Variants in CYFIP1 observed in about 807,000 individuals in gnomAD.
CYFIP1 encodes the protein cytoplasmic FMR1 interacting protein 1.
A neutral mutation model predicts 163.5 loss-of-function variants in CYFIP1; 58 were observed. The ratio of observed to expected loss-of-function variants is 0.35; its 90% CI spans 0.29 to 0.44. CYFIP1 has a LOEUF of 0.44. Ranked by LOEUF, CYFIP1 falls within the 20% of genes least tolerant of loss-of-function variation. CYFIP1 has a pLI of 1.00. For synonymous variants in CYFIP1, 663 were observed against 660.7 expected (o/e 1.00, Z -0.05); for missense variants, 1,338 against 1,653.8 (o/e 0.81, Z 3.31).
At chr15:22,933,701 G>T in intron 10 of CYFIP1, 101 bp downstream of exon 10, 3 of 802,614 alleles carry the variant, frequency 3.7e-6, no homozygotes, top group Non-Finnish European at 6.2e-6. Flanking sequence ...GGCTGAGAAT[G>T]TTAACAGTGT....
intron 22 of CYFIP1, 48 bp downstream of exon 22, chr15:22,903,658 G>A: frequency 6.3e-7 from 1 of 1,597,280 alleles, no homozygotes; most frequent in South Asian, 1.1e-5. Flanking sequence ...GGGGACATGG[G>A]TCCCTGAGCG....
Position 22,910,582 on chromosome 15 carries a change from C to T in CYFIP1, c.2206G>A (p.Ala736Thr). 6.2e-7 allele frequency: 1 copy of T among 1,614,184 alleles called. No individual in the cohort carries two copies. Among genetic ancestry groups the T allele is most frequent in the African/African-American group, 1.3e-5 (1 of 75,062 alleles). Residue 736 changes from alanine to threonine, a missense_variant, in exon 20 of 31, where the codon GCC becomes ACC. This residue lies in a region of CYFIP1 where 824 missense variants were observed against 995.7 expected (regional missense o/e 0.83). Coordinates refer to ENST00000617928, the MANE Select transcript of CYFIP1 (RefSeq NM_014608.6). The part of the protein sequence containing the change: ...RLRSECKNQG[A>T]TIHLPPSNRY... ...TTAGACGGCGGGAGGTGGATCGTGG[C>T]TCCCTGATTCTTGCATTCTGATCGT...
rs562244626 is a variant in CYFIP1 at position 22,963,281 on chromosome 15, G to A, written c.-6-15990C>T. 1.6e-4 allele frequency among the ~76,000 whole-genome samples: 24 copies of A among 152,060 alleles called. 1 individual carries two copies. The highest frequency in any genetic ancestry group is 1.2e-3 in the East Asian group (6 of 5,168). ...AGCACTTTGGGAGGCAGAGGCGGGC[G>A]ATCACCTGAGGTCAGCCTGACCAAT... On this transcript the variant is annotated intron_variant, in intron 1 of 30. Coordinates refer to ENST00000617928, the MANE Select transcript of CYFIP1 (RefSeq NM_014608.6).
At chr15:22,961,118 T>A (rs1188788484) in intron 1 of CYFIP1, among the ~76,000 whole-genome samples, 1 of 152,088 alleles carries the variant, frequency 6.6e-6, no homozygotes, top group African/African-American at 2.4e-5. Flanking sequence ...GCCTCCTGTC[T>A]TCAAGTGATT....
At chr15:22,903,255 G>A (rs1032533457) in intron 22 of CYFIP1, among the ~76,000 whole-genome samples, 6 of 152,274 alleles carry the variant, frequency 3.9e-5, no homozygotes, top group African/African-American at 7.2e-5. Context: ...CCCGGTGTGC[G>A]GAGCCCAGGG....
At chr15:22,933,491 T>C (rs2142236018) in intron 10 of CYFIP1, among the ~76,000 whole-genome samples, 1 of 152,074 alleles carries the variant, frequency 6.6e-6, no homozygotes, top group Non-Finnish European at 1.5e-5. Context: ...ATTTTTTCTA[T>C]TTTTAGTAGA....
At chr15:22,936,258 A>C (rs1008724138) in intron 9 of CYFIP1, among the ~76,000 whole-genome samples, 1 of 152,132 alleles carries the variant, frequency 6.6e-6, no homozygotes, top group Admixed American at 6.6e-5. Context: ...CAAAACAAAC[A>C]AACAAAAAAA....
intron 3 of CYFIP1, among the ~76,000 whole-genome samples, chr15:22,945,254 A>G (rs61388954): frequency 0.24 from 35,874 of 152,084 alleles, 4,800 homozygotes; most frequent in Middle Eastern, 0.34. Context: ...ACCTGCAGTT[A>G]GGAACACAGA....
intron 1 of CYFIP1, among the ~76,000 whole-genome samples, chr15:22,964,349 TCA>T (rs1206406734): frequency 1.5e-4 from 6 of 39,560 alleles, no homozygotes; most frequent in Non-Finnish European, 2.5e-4. Context: ...CGCAACCTCA[TCA>T]CTCACACACA....
At position 22,928,010 on chromosome 15, in the gene CYFIP1, G is replaced by A. The variant is rs751474445; in HGVS notation, c.1129C>T (p.Arg377Cys). Residue 377 changes from arginine to cysteine, a missense_variant, in exon 12 of 31, where the codon CGC (arginine) becomes TGC (cysteine). Arg to Cys is a radical substitution (Grantham distance 180). Coordinates refer to ENST00000617928, the MANE Select transcript of CYFIP1 (RefSeq NM_014608.6). ...SNSEVVTGSG[R>C]QEAQKTDAEY... ...GCGTCCGTCTTCTGGGCCTCCTGGC[G>A]GCCCGAGCCCGTGACCACCTGCACA... The A allele has an allele frequency of 7.0e-6, 11 of 1,574,022 alleles. No individual in the cohort carries two copies. The highest frequency in any genetic ancestry group is 1.9e-4 in the Middle Eastern group (1 of 5,186).
chr15:22,977,297 G>A (rs576257207), intron 1 of CYFIP1, among the ~76,000 whole-genome samples: 2 of 152,132 alleles, frequency 1.3e-5, no homozygotes, highest in Admixed American at 6.5e-5. Context: ...CTTTTTCATA[G>A]ATTCCCTGGA....
At chr15:22,934,173 C>CTTTTTT (rs2061629199) in intron 9 of CYFIP1, among the ~76,000 whole-genome samples, 1 of 76,306 alleles carries the variant, frequency 1.3e-5, no homozygotes, top group African/African-American at 5.7e-5. Context: ...CACTGCATTT[C>CTTTTTT]TTTCTTTTTT....
At chr15:22,916,408 A>G (rs911655825) in intron 16 of CYFIP1, 69 bp downstream of exon 16, 1 of 1,227,536 alleles carries the variant, frequency 8.1e-7, no homozygotes. Context: ...AGGCGGGCGG[A>G]AGCATTCTAG....
At chr15:22,923,958 A>AC (rs2061275608) in intron 13 of CYFIP1, among the ~76,000 whole-genome samples, 7 of 150,772 alleles carry the variant, frequency 4.6e-5, no homozygotes, top group African/African-American at 1.7e-4. Flanking sequence ...AAAAAAAAAA[A>AC]AAAAAAACAA....
At chr15:22,975,332 T>C (rs2063229319) in intron 1 of CYFIP1, among the ~76,000 whole-genome samples, 1 of 144,666 alleles carries the variant, frequency 6.9e-6, no homozygotes. Flanking sequence ...TAGCCAGGCA[T>C]GGTGGCGGGT....
rs202081636 is a variant in CYFIP1, at chr15:22,933,744, AC to A, written c.992+57del. On this transcript the variant is annotated intron_variant, in intron 10 of 30. Transcript: ENST00000617928. ...AGACAAATAAGCAGGATGTTTGAAA[AC>A]CGCACAATGAGGACACTGCCGAAAG... The A allele has an allele frequency of 3.4e-3, 4,366 of 1,282,978 alleles. 120 individuals are homozygous for A. The African/African-American group carries it at 0.055, about 16-fold the overall frequency. The allele number at this position is 1,282,978 out of a possible 1,614,324, so 79.5% of individuals were successfully genotyped here.
chr15:22,974,512 G>T (rs947479298), intron 1 of CYFIP1, among the ~76,000 whole-genome samples: 1 of 152,164 alleles, frequency 6.6e-6, no homozygotes, highest in African/African-American at 2.4e-5. Flanking sequence ...TGAATCACTT[G>T]AGGCCAGGAG....
intron 25 of CYFIP1, among the ~76,000 whole-genome samples, chr15:22,881,402 C>A (rs1187705919): frequency 6.6e-6 from 1 of 152,174 alleles, no homozygotes; most frequent in Admixed American, 6.5e-5. Context: ...CAACCCACAG[C>A]AAGTCACGTG....
intron 17 of CYFIP1, among the ~76,000 whole-genome samples, chr15:22,914,137 C>A (rs550067609): frequency 2.5e-4 from 38 of 152,304 alleles, no homozygotes; most frequent in African/African-American, 9.1e-4. Flanking sequence ...TTCCCCACTT[C>A]ATCTGGGTCA....
Sources: allele counts gnomAD v4.1 joint callset (sites outside exome capture counted in the v4.1 genomes callset), GRCh38; gene constraint gnomAD v4.1.1; regional missense constraint gnomAD v4.1.1; transcripts MANE v1.5; gene names NCBI Gene and HGNC (gene_info 2026-07-23, HGNC 2026-07-21).